Variants in ZBTB16 observed in about 807,000 individuals in gnomAD.
ZBTB16 encodes the protein zinc finger and BTB domain containing 16, also known as zinc finger and BTB domain-containing protein 16.
Under a neutral mutation model 56.8 loss-of-function variants are expected in ZBTB16, and 8 were observed. The ratio of observed to expected loss-of-function variants is 0.14; its 90% CI spans 0.08 to 0.25. The LOEUF (loss-of-function observed/expected upper bound fraction) is 0.25, where lower values mean the gene tolerates loss of function less well. Among genes scored for constraint, ZBTB16 ranks in the 10% least tolerant of loss-of-function variants. The pLI is 1.00. For missense variants in ZBTB16, 625 were observed against 903.0 expected, an observed-to-expected ratio of 0.69 and a Z score of 3.95; for synonymous variants, 363 against 368.5, an observed-to-expected ratio of 0.98 and a Z score of 0.17.
intron 4 of ZBTB16, among the ~76,000 whole-genome samples, chr11:114,216,650 T>G (rs1356533660): frequency 6.6e-6 from 1 of 152,182 alleles, no homozygotes; most frequent in African/African-American, 2.4e-5. Context: ...TTCTCTTGAC[T>G]TACAGGAGAC....
intron 2 of ZBTB16, among the ~76,000 whole-genome samples, chr11:114,094,888 C>T (rs534940538): frequency 6.6e-6 from 1 of 152,242 alleles, no homozygotes. Flanking sequence ...CCTCTGGGAT[C>T]AGTTTCACTG....
chr11:114,211,232 A>G (rs1943993112), intron 4 of ZBTB16, among the ~76,000 whole-genome samples: 1 of 152,176 alleles, frequency 6.6e-6, no homozygotes, highest in Non-Finnish European at 1.5e-5. Context: ...AAAAGTGCAG[A>G]TTGATTTCTA....
intron 5 of ZBTB16, 144 bp downstream of exon 5, chr11:114,242,481 C>T (rs1180714247): frequency 8.2e-6 from 10 of 1,225,578 alleles, no homozygotes; most frequent in African/African-American, 1.5e-5. Flanking sequence ...GGCTGCCCGT[C>T]GTGCAGGTAA....
chr11:114,184,196 G>A (rs570634413), intron 3 of ZBTB16, among the ~76,000 whole-genome samples: 2 of 152,326 alleles, frequency 1.3e-5, no homozygotes, highest in Admixed American at 1.3e-4. Flanking sequence ...TAGAAGATAG[G>A]TGTCAGTGAG....
intron 4 of ZBTB16, among the ~76,000 whole-genome samples, chr11:114,192,253 A>C (rs1358884832): frequency 6.6e-6 from 1 of 152,224 alleles, no homozygotes. Context: ...TCCAGGAGTC[A>C]GGACACAGGA....
intron 2 of ZBTB16, among the ~76,000 whole-genome samples, chr11:114,066,431 G>A (rs1185057099): frequency 6.6e-6 from 1 of 152,204 alleles, no homozygotes; most frequent in Non-Finnish European, 1.5e-5. Flanking sequence ...GAGGAAACCC[G>A]CTCCCCAAAG....
intron 2 of ZBTB16, among the ~76,000 whole-genome samples, chr11:114,104,764 G>GA (rs1940731006): frequency 6.6e-6 from 1 of 152,192 alleles, no homozygotes; most frequent in Non-Finnish European, 1.5e-5. Flanking sequence ...TGTTCCACTG[G>GA]AAAACCATCT....
chr11:114,102,456 C>G (rs1940644850), intron 2 of ZBTB16, among the ~76,000 whole-genome samples: 1 of 152,112 alleles, frequency 6.6e-6, no homozygotes, highest in Non-Finnish European at 1.5e-5. Flanking sequence ...CATCATCACT[C>G]TTCTCCTTCA....
chr11:114,156,386 C>T lies in ZBTB16; in HGVS notation c.1318C>T (p.Arg440Trp), dbSNP rs141621748. The T allele has an allele frequency of 3.7e-6, 6 of 1,614,182 alleles. No homozygotes were observed. Among genetic ancestry groups the T allele is most frequent in the South Asian group, 2.2e-5 (2 of 91,088 alleles). The change falls in exon 3 of 7, where the codon CGG becomes TGG. Residue 440 changes from arginine to tryptophan, a missense_variant. Arg to Trp is a moderately radical substitution (Grantham distance 101). This residue lies in a region of ZBTB16 where 140 missense variants were observed against 214.8 expected (regional missense o/e 0.65). Transcript: ENST00000335953. ...KTYGCELCGKRFLDSLRLRMH... is the reference protein window; with the variant it reads ...KTYGCELCGKWFLDSLRLRMH... ...GTACGGGTGCGAGCTCTGCGGGAAG[C>T]GGTTCCTGGATAGTTTGCGGCTGAG...
At position 114,143,485 on chromosome 11, in the gene ZBTB16, G is replaced by A. The variant is rs1202748001; in HGVS notation, c.1269-12852G>A. Among the ~76,000 whole-genome samples the A allele has an allele frequency of 2.6e-5, 4 of 152,198 alleles. No individual in the cohort carries two copies. Among genetic ancestry groups the A allele is most frequent in the Non-Finnish European group, 5.9e-5 (4 of 68,032 alleles). On this transcript the variant is annotated intron_variant, in intron 2 of 6. Transcript: ENST00000335953. The surrounding 1 kb of genome is among the most constrained non-coding windows in gnomAD (Gnocchi z 6.4). The stretch of plus-strand genomic sequence containing the variant: ...CTACTGGGGAAGGCTTCTAGGGATG[G>A]TACTGACCCTCTTGCCTAGTGAAAT...
In ZBTB16 at chr11:114,137,328, G is replaced by A. The variant is rs540813070; in HGVS notation, c.1269-19009G>A. Among the ~76,000 whole-genome samples, 323 of 152,270 alleles carry A rather than the reference G, an allele frequency of 2.1e-3. 2 individuals are homozygous for A. Among genetic ancestry groups the A allele is most frequent in the African/African-American group, 7.4e-3 (306 of 41,546 alleles). On this transcript the variant is annotated intron_variant, in intron 2 of 6. Coordinates refer to ENST00000335953, the MANE Select transcript of ZBTB16 (RefSeq NM_006006.6). ...AGCCGTTGGTCTTCCCACTCATACCGCTGCCCTCTCCCTAGCTCTCAGGAG... is the reference window on the plus strand; with the variant it reads ...AGCCGTTGGTCTTCCCACTCATACCACTGCCCTCTCCCTAGCTCTCAGGAG...
intron 5 of ZBTB16, among the ~76,000 whole-genome samples, chr11:114,244,918 C>T (rs540096076): frequency 6.6e-6 from 1 of 152,288 alleles, no homozygotes; most frequent in African/African-American, 2.4e-5. Context: ...TTACCGGCTC[C>T]AGCTGAAGTC....
chr11:114,150,142 T>C (rs1942246913), intron 2 of ZBTB16, among the ~76,000 whole-genome samples: 1 of 152,214 alleles, frequency 6.6e-6, no homozygotes, highest in South Asian at 2.1e-4. Context: ...ATGGCCTACT[T>C]AGCCTGGAAT....
chr11:114,193,737 T>TGG (rs1943549849), intron 4 of ZBTB16, among the ~76,000 whole-genome samples: 1 of 152,056 alleles, frequency 6.6e-6, no homozygotes, highest in African/African-American at 2.4e-5. Flanking sequence ...CAGGTACCGT[T>TGG]GGGAAGCCAA....
intron 4 of ZBTB16, among the ~76,000 whole-genome samples, chr11:114,201,512 C>A (rs905896384): frequency 6.6e-6 from 1 of 152,210 alleles, no homozygotes; most frequent in Non-Finnish European, 1.5e-5. Context: ...TCATCCCCGA[C>A]TTTGGCCTTT....
chr11:114,081,519 C>A (rs1433579921), intron 2 of ZBTB16, among the ~76,000 whole-genome samples: 1 of 152,148 alleles, frequency 6.6e-6, no homozygotes, highest in East Asian at 1.9e-4. Context: ...CCTTGTTGAG[C>A]ACTTACTGTC....
At chr11:114,203,314 C>T (rs894140152) in intron 4 of ZBTB16, among the ~76,000 whole-genome samples, 1 of 152,130 alleles carries the variant, frequency 6.6e-6, no homozygotes, top group African/African-American at 2.4e-5. Flanking sequence ...TGAGAAGTGA[C>T]TACTAATGGG....
rs1235495699 is a variant in ZBTB16, at chr11:114,143,417, T to TG, written c.1269-12913dup. On this transcript the variant is annotated intron_variant, in intron 2 of 6. Transcript: ENST00000335953. This position sits in a 1 kb window ranked among gnomAD's most constrained non-coding sequence, Gnocchi z 6.4. ...AGAAACACACTTAAAAGACAGAGGC[T>TG]GGGGGGGAAAGGGGGTCAGCTTTGA... is the stretch of plus-strand genomic sequence containing the variant. Among the ~76,000 whole-genome samples, 2 of 147,076 alleles carry TG rather than the reference T, an allele frequency of 1.4e-5. No individual in the cohort carries two copies. Among genetic ancestry groups the TG allele is most frequent in the Admixed American group, 6.7e-5 (1 of 14,848 alleles).
At chr11:114,130,404 G>T (rs1941628968) in intron 2 of ZBTB16, among the ~76,000 whole-genome samples, 1 of 152,214 alleles carries the variant, frequency 6.6e-6, no homozygotes, top group Non-Finnish European at 1.5e-5. Flanking sequence ...TCATATTTCA[G>T]GTTAGTTGAG....
Sources: gnomAD v4.1 joint callset for allele counts (sites outside exome capture counted in the v4.1 genomes callset) on GRCh38, gnomAD v4.1.1 for gene constraint, gnomAD v4.1.1 regional missense constraint, Gnocchi (gnomAD v3.1) non-coding constraint, MANE v1.5 for transcripts, NCBI Gene and HGNC (gene_info 2026-07-23, HGNC 2026-07-21) for gene names.